Variants in SHROOM3 observed in about 807,000 individuals in gnomAD.
SHROOM3 encodes the protein shroom family member 3.
A neutral mutation model predicts 138.6 loss-of-function variants in SHROOM3; 47 were observed. That is an observed-to-expected ratio of 0.34 (90% CI 0.27 to 0.43). The LOEUF is 0.43. Among genes scored for constraint, SHROOM3 ranks in the 20% least tolerant of loss-of-function variants. SHROOM3 has a pLI of 1.00. For synonymous variants in SHROOM3, 1,062 were observed against 1,063.3 expected (o/e 1.00, Z 0.02); for missense variants, 2,491 against 2,596.5 (o/e 0.96, Z 0.88).
chr4:76,477,218 C>CT (rs1441191846), intron 1 of SHROOM3, among the ~76,000 whole-genome samples: 2 of 152,060 alleles, frequency 1.3e-5, no homozygotes, highest in African/African-American at 4.8e-5. Flanking sequence ...CCACCCCCCA[C>CT]TCGGCCTCCC....
At chr4:76,736,376 A>G (rs1414376481) in intron 4 of SHROOM3, among the ~76,000 whole-genome samples, 1 of 152,158 alleles carries the variant, frequency 6.6e-6, no homozygotes, top group African/African-American at 2.4e-5. Flanking sequence ...CATTCAGTCA[A>G]CTGACTTTCT....
At chr4:76,716,672 A>G (rs1313500723) in intron 3 of SHROOM3, among the ~76,000 whole-genome samples, 3 of 152,156 alleles carry the variant, frequency 2.0e-5, no homozygotes, top group Admixed American at 6.5e-5. Flanking sequence ...CAGTCGCCCT[A>G]TTTTTTATGA....
chr4:76,457,750 A>G (rs1258679584), intron 1 of SHROOM3, among the ~76,000 whole-genome samples: 1 of 150,424 alleles, frequency 6.6e-6, no homozygotes, highest in South Asian at 2.1e-4. Flanking sequence ...TTGGCCTCCC[A>G]AAGTGCTAGG....
chr4:76,487,441 T>G (rs900183036), intron 1 of SHROOM3, among the ~76,000 whole-genome samples: 4 of 152,236 alleles, frequency 2.6e-5, no homozygotes, highest in African/African-American at 9.6e-5. Context: ...CATAAGCTTT[T>G]AATTCTCTTA....
chr4:76,566,629 A>G (rs2110035692), intron 2 of SHROOM3, among the ~76,000 whole-genome samples: 1 of 152,344 alleles, frequency 6.6e-6, no homozygotes, highest in South Asian at 2.1e-4. Context: ...TAACTGCTCT[A>G]AGATCACAAG....
At chr4:76,521,190 C>A (rs1202373029) in intron 1 of SHROOM3, among the ~76,000 whole-genome samples, 1 of 151,920 alleles carries the variant, frequency 6.6e-6, no homozygotes, top group Non-Finnish European at 1.5e-5. Context: ...AAAACACTGA[C>A]GTGATTAAAT....
intron 3 of SHROOM3, among the ~76,000 whole-genome samples, chr4:76,710,734 C>T (rs12640170): frequency 0.41 from 62,044 of 151,966 alleles, 13,707 homozygotes; most frequent in African/African-American, 0.56. Flanking sequence ...AAGATTCCAA[C>T]GTAAGCCTAA....
At chr4:76,773,755 T>C (rs1722451752) in intron 10 of SHROOM3, among the ~76,000 whole-genome samples, 1 of 152,126 alleles carries the variant, frequency 6.6e-6, no homozygotes. Flanking sequence ...CTCCCCTTGG[T>C]CAAACCCAGA....
chr4:76,546,620 C>A (rs1218236091), intron 1 of SHROOM3, among the ~76,000 whole-genome samples: 1 of 152,174 alleles, frequency 6.6e-6, no homozygotes, highest in Admixed American at 6.5e-5. Flanking sequence ...AAAATAATGC[C>A]CAAACGGCTT....
rs1047769302 is a variant in SHROOM3 at position 76,779,149 on chromosome 4, T to G, written c.5963T>G (p.Ile1988Ser). Residue 1988 changes from isoleucine to serine, a missense_variant, in exon 11 of 11, where the codon ATT becomes AGT. Ile to Ser is a moderately radical substitution (Grantham distance 142, BLOSUM62 -2). Transcript: ENST00000296043. ...IPAGGCTFSG[I>S]FPTLTSPL The stretch of plus-strand genomic sequence containing the variant: ...GCTGGGGGCTGTACTTTCAGTGGTA[T>G]TTTCCCAACATTAACCTCTCCACTT... 3.1e-6 allele frequency: 5 copies of G among 1,613,262 alleles called. No homozygotes were observed. The highest frequency in any genetic ancestry group is 4.2e-6 in the Non-Finnish European group (5 of 1,179,452).
At chr4:76,638,054 T>C (rs1373677931) in intron 2 of SHROOM3, among the ~76,000 whole-genome samples, 1 of 152,198 alleles carries the variant, frequency 6.6e-6, no homozygotes, top group African/African-American at 2.4e-5. Context: ...AGAGGTTATC[T>C]TCTTGGAGAG....
chr4:76,748,202 G>A lies in SHROOM3; in HGVS notation c.3754-815G>A, dbSNP rs115594437. 8.4e-3 allele frequency among the ~76,000 whole-genome samples: 1,271 copies of A among 152,198 alleles called. 14 individuals carry two copies. Among genetic ancestry groups the A allele is most frequent in the African/African-American group, 0.029 (1,209 of 41,512 alleles). On this transcript the variant is annotated intron_variant, in intron 5 of 10. Coordinates refer to ENST00000296043, the MANE Select transcript of SHROOM3 (RefSeq NM_020859.4). ...CCACTAAACAAAAACAATGAGGAAC[G>A]GGGTGAAGAGCAGTTAACCCATTGG... is the stretch of plus-strand genomic sequence containing the variant.
intron 9 of SHROOM3, among the ~76,000 whole-genome samples, chr4:76,768,771 C>T (rs1722246967): frequency 6.6e-6 from 1 of 152,224 alleles, no homozygotes; most frequent in Non-Finnish European, 1.5e-5. Flanking sequence ...ACCTCAGCCT[C>T]CCAAAGTGCT....
intron 1 of SHROOM3, among the ~76,000 whole-genome samples, chr4:76,470,688 T>C (rs1273660550): frequency 1.3e-5 from 2 of 152,180 alleles, no homozygotes; most frequent in Middle Eastern, 3.2e-3. Flanking sequence ...ATGAAGCCCT[T>C]GGAAAATGTA....
intron 1 of SHROOM3, among the ~76,000 whole-genome samples, chr4:76,539,893 G>A (rs1014610472): frequency 2.0e-5 from 3 of 152,184 alleles, no homozygotes. Context: ...TTTCACCCAG[G>A]CTGGAGTGCA....
At chr4:76,734,663 A>T (rs964505346) in intron 4 of SHROOM3, among the ~76,000 whole-genome samples, 2 of 152,136 alleles carry the variant, frequency 1.3e-5, no homozygotes, top group East Asian at 3.9e-4. Context: ...GGCGTGAGCC[A>T]CCGTACCTGG....
At chr4:76,529,590 G>T (rs771735586) in intron 1 of SHROOM3, among the ~76,000 whole-genome samples, 42 of 152,184 alleles carry the variant, frequency 2.8e-4, no homozygotes, top group Admixed American at 5.2e-4. Context: ...CTCCCAAAGT[G>T]CTGGGGTTAC....
chr4:76,449,404 A>G (rs11723732), intron 1 of SHROOM3, among the ~76,000 whole-genome samples: 109,097 of 152,066 alleles, frequency 0.72, 39,442 homozygotes, highest in East Asian at 0.78. Context: ...GTGAAGTTTT[A>G]CACCTAAGCA....
chr4:76,676,179 T>C (rs1006677469), intron 2 of SHROOM3, among the ~76,000 whole-genome samples: 1 of 152,090 alleles, frequency 6.6e-6, no homozygotes, highest in African/African-American at 2.4e-5. Context: ...ATTTGGTTCA[T>C]AAATTCAGGG....
Sources: gnomAD v4.1 joint callset for allele counts (sites outside exome capture counted in the v4.1 genomes callset) on GRCh38, gnomAD v4.1.1 for gene constraint, MANE v1.5 for transcripts, NCBI Gene and HGNC (gene_info 2026-07-23, HGNC 2026-07-21) for gene names.